The following MON2 variants were observed in gnomAD, a reference collection of about 807,000 sequenced individuals.
MON2 encodes the protein protein MON2 homolog.
In MON2, 84 loss-of-function variants were observed where a neutral mutation model predicts 208.6. The observed-to-expected ratio is 0.40, with a 90% CI of 0.34 to 0.48. The LOEUF (loss-of-function observed/expected upper bound fraction) is 0.48. Ranked by LOEUF, MON2 falls within the 20% of genes least tolerant of loss-of-function variation. The pLI is 0.59. For missense variants in MON2, 1,611 were observed against 2,015.4 expected, an observed-to-expected ratio of 0.80 and a Z score of 3.84; for synonymous variants, 660 against 694.0, an observed-to-expected ratio of 0.95 and a Z score of 0.77.
At position 62,538,456 on chromosome 12, in the gene MON2, T is replaced by G; in HGVS notation, c.2315T>G (p.Leu772Arg). 1.2e-6 allele frequency: 2 copies of G among 1,612,070 alleles called. No homozygotes were observed. The highest frequency in any genetic ancestry group is 1.7e-6 in the Non-Finnish European group (2 of 1,178,516). ...TCACTGCATCATTTAATAAATGCAC[T>G]TTGCTCCTTGTCTCTAGAAGCAATG... The part of the protein sequence containing the change: ...DVSLHHLINA[L>R]CSLSLEAMDM... Residue 772 changes from leucine to arginine, a missense_variant, in exon 19 of 35, where the codon CTT becomes CGT. Transcript: ENST00000393630.
At chr12:62,494,151 A>G (rs2070336340) in intron 3 of MON2, 109 bp downstream of exon 3, 1 of 1,013,746 alleles carries the variant, frequency 9.9e-7, no homozygotes, top group South Asian at 2.2e-5. Flanking sequence ...ACAAATAGCA[A>G]TGTGCTCGGA....
At chr12:62,549,520 G>A (rs2073650246) in intron 22 of MON2, 148 bp from the exon 23 acceptor site, 1 of 559,012 alleles carries the variant, frequency 1.8e-6, no homozygotes, top group Non-Finnish European at 2.9e-6. Context: ...GGGAAGCTGA[G>A]GTGGGAGGAT....
At chr12:62,546,756 C>CA (rs2073504272) in intron 21 of MON2, 141 bp from the exon 22 acceptor site, 41 of 644,654 alleles carry the variant, frequency 6.4e-5, no homozygotes, top group South Asian at 1.2e-4. Context: ...GACTCCATTT[C>CA]AAAAAAAATA....
intron 3 of MON2, among the ~76,000 whole-genome samples, chr12:62,494,333 T>A (rs2070347209): frequency 6.6e-6 from 1 of 152,160 alleles, no homozygotes. Context: ...TTTTCTTTTA[T>A]AAAAAGAGGA....
At chr12:62,499,861 A>G (rs1416401966) in intron 5 of MON2, among the ~76,000 whole-genome samples, 1 of 152,110 alleles carries the variant, frequency 6.6e-6, no homozygotes. Context: ...TGACACAGCA[A>G]GACTCCATCT....
At chr12:62,541,931 A>G (rs1592345929) in intron 19 of MON2, among the ~76,000 whole-genome samples, 1 of 152,308 alleles carries the variant, frequency 6.6e-6, no homozygotes, top group East Asian at 1.9e-4. Context: ...GGCACTTTCT[A>G]ACATTAGATA....
chr12:62,504,400 A>G (rs2071000822), intron 7 of MON2, among the ~76,000 whole-genome samples: 1 of 151,422 alleles, frequency 6.6e-6, no homozygotes. Context: ...GCCCGCCACC[A>G]CGCCCGGCTA....
At chr12:62,478,556 G>T (rs1305409119) in intron 1 of MON2, among the ~76,000 whole-genome samples, 1 of 152,122 alleles carries the variant, frequency 6.6e-6, no homozygotes, top group African/African-American at 2.4e-5. Context: ...CATTAAATTA[G>T]TACAATTTGG....
chr12:62,492,362 C>CTTTTTT (rs67979134), intron 2 of MON2, among the ~76,000 whole-genome samples: 14 of 110,258 alleles, frequency 1.3e-4, no homozygotes, highest in African/African-American at 2.5e-4. Flanking sequence ...AGAGTTAGTT[C>CTTTTTT]TTTTTTTTTT....
At chr12:62,559,926 T>C (rs2074134650) in intron 25 of MON2, 1 of 152,542 alleles carries the variant, frequency 6.6e-6, no homozygotes, top group African/African-American at 2.4e-5. Context: ...AGTTACGACT[T>C]TTCCAATGAT....
chr12:62,493,772 G>C (rs964439125), intron 2 of MON2, 143 bp from the exon 3 acceptor site: 3 of 539,654 alleles, frequency 5.6e-6, no homozygotes, highest in Non-Finnish European at 9.3e-6. Flanking sequence ...TTTAACTCTT[G>C]GTACTTGATT....
intron 1 of MON2, among the ~76,000 whole-genome samples, chr12:62,479,284 T>C (rs1284661655): frequency 6.6e-6 from 1 of 152,226 alleles, no homozygotes; most frequent in Non-Finnish European, 1.5e-5. Flanking sequence ...TTCAAGCCCC[T>C]GATATGAAAT....
At chr12:62,491,226 C>A (rs772517411) in intron 2 of MON2, among the ~76,000 whole-genome samples, 2 of 152,112 alleles carry the variant, frequency 1.3e-5, no homozygotes, top group Non-Finnish European at 2.9e-5. Flanking sequence ...ACAAAACATG[C>A]AGAATGGGTG....
chr12:62,555,976 AT>A lies in MON2; in HGVS notation c.3211-14del. 1.3e-6 allele frequency: 2 copies of A among 1,552,010 alleles called. No individual in the cohort carries two copies. The highest frequency in any genetic ancestry group is 1.8e-6 in the Non-Finnish European group (2 of 1,131,620). ...ATATTATCAATGCATTTTAAATGAC[AT>A]TTTAATAAATATTTAGGTACTCTTT... On this transcript the variant is annotated splice_polypyrimidine_tract_variant and intron_variant, in intron 24 of 34. Transcript: ENST00000393630.
chr12:62,502,068 A>C (rs2070862717), intron 7 of MON2, among the ~76,000 whole-genome samples: 1 of 152,042 alleles, frequency 6.6e-6, no homozygotes, highest in South Asian at 2.1e-4. Context: ...AAAAATACAA[A>C]AATTAGCCAG....
intron 8 of MON2, among the ~76,000 whole-genome samples, chr12:62,521,013 T>C (rs1007080879): frequency 6.6e-6 from 1 of 150,496 alleles, no homozygotes. Flanking sequence ...AAAATTAATC[T>C]TTTTTTTTAA....
At chr12:62,549,430 G>A (rs559498993) in intron 22 of MON2, among the ~76,000 whole-genome samples, 38 of 148,530 alleles carry the variant, frequency 2.6e-4, no homozygotes, top group African/African-American at 9.3e-4. Flanking sequence ...GACCAGCCAA[G>A]GCAACATAGT....
At chr12:62,485,703 T>C (rs2069732930) in intron 2 of MON2, among the ~76,000 whole-genome samples, 2 of 152,060 alleles carry the variant, frequency 1.3e-5, no homozygotes, top group Admixed American at 1.3e-4. Flanking sequence ...TTTTTTTGTT[T>C]GTCTGTTTGT....
chr12:62,513,119 C>T (rs2071496244), intron 8 of MON2, among the ~76,000 whole-genome samples: 1 of 152,190 alleles, frequency 6.6e-6, no homozygotes, highest in African/African-American at 2.4e-5. Context: ...CTCTGACATG[C>T]CCTGGAGACA....
Sources: allele counts gnomAD v4.1 joint callset (sites outside exome capture counted in the v4.1 genomes callset), GRCh38; gene constraint gnomAD v4.1.1; transcripts MANE v1.5; gene names NCBI Gene and HGNC (gene_info 2026-07-23, HGNC 2026-07-21).